The following SNX29 variants were observed in gnomAD, a reference collection of about 807,000 sequenced individuals.
SNX29 encodes sorting nexin-29.
In SNX29, 78 loss-of-function variants were observed where a neutral mutation model predicts 102.1. The ratio of observed to expected loss-of-function variants is 0.76; its 90% CI spans 0.64 to 0.92. The LOEUF (loss-of-function observed/expected upper bound fraction) is 0.92, where lower values mean the gene tolerates loss of function less well. Among genes scored for constraint, SNX29 ranks in the 40% least tolerant of loss-of-function variants. SNX29 has a pLI of 0.00. For synonymous variants in SNX29, 580 were observed against 414.5 expected (o/e 1.40, Z -4.85); for missense variants, 1,280 against 1,061.7 (o/e 1.21, Z -2.86).
At chr16:12,016,414 G>A (rs2056851057) in intron 3 of SNX29, among the ~76,000 whole-genome samples, 1 of 152,164 alleles carries the variant, frequency 6.6e-6, no homozygotes, top group Non-Finnish European at 1.5e-5. Flanking sequence ...TAGTTCATAA[G>A]TCTACCTTTT....
chr16:12,003,171 C>T, intron 3 of SNX29, 128 bp downstream of exon 3: 12 of 1,125,034 alleles, frequency 1.1e-5, no homozygotes, highest in Non-Finnish European at 1.6e-5. Context: ...CTGGGCTCTG[C>T]CTCTGCAGCC....
intron 14 of SNX29, among the ~76,000 whole-genome samples, chr16:12,241,664 G>A (rs767370589): frequency 2.6e-5 from 4 of 152,166 alleles, no homozygotes; most frequent in Non-Finnish European, 5.9e-5. Context: ...GTTTCACCAT[G>A]TTGGCCAGGC....
chr16:12,468,017 C>A (rs551448606), intron 18 of SNX29, among the ~76,000 whole-genome samples: 1 of 152,174 alleles, frequency 6.6e-6, no homozygotes, highest in South Asian at 2.1e-4. Flanking sequence ...CTGGTCACCT[C>A]CAGTATCGTC....
In SNX29 at chr16:12,447,165, C is replaced by CAAA. The variant is rs59942122; in HGVS notation, c.2038-30524_2038-30522dup. On this transcript the variant is annotated intron_variant, in intron 18 of 20. Coordinates refer to ENST00000566228, the MANE Select transcript of SNX29 (RefSeq NM_032167.5). The stretch of plus-strand genomic sequence containing the variant: ...CTGGCGACAGAGGGAGACTCTGTCT[C>CAAA]AAAAAAAAAAAAAAAAAAAAAAAAA... 1.5e-3 allele frequency among the ~76,000 whole-genome samples: 67 copies of CAAA among 43,910 alleles called. 2 individuals carry two copies. The highest frequency in any genetic ancestry group is 4.3e-3 in the African/African-American group (48 of 11,196). 28.8% of individuals were successfully genotyped at this position (43,910 alleles called of 152,430 possible).
At chr16:12,120,310 G>T (rs2053919169) in intron 11 of SNX29, among the ~76,000 whole-genome samples, 1 of 152,204 alleles carries the variant, frequency 6.6e-6, no homozygotes, top group Admixed American at 6.5e-5. Flanking sequence ...GCTGAGTATG[G>T]GCCGCAGGGG....
intron 17 of SNX29, among the ~76,000 whole-genome samples, chr16:12,400,807 G>A (rs1264380716): frequency 6.6e-6 from 1 of 151,526 alleles, no homozygotes; most frequent in Non-Finnish European, 1.5e-5. Context: ...CTTGACTTCA[G>A]TACCTCACTT....
chr16:12,430,109 A>G (rs917873721), intron 18 of SNX29, among the ~76,000 whole-genome samples: 1 of 152,262 alleles, frequency 6.6e-6, no homozygotes, highest in African/African-American at 2.4e-5. Flanking sequence ...TGAACTGTGC[A>G]TACAAGGGAT....
At position 12,568,602 on chromosome 16, in the gene SNX29, C is replaced by G. The variant is rs572049168; in HGVS notation, c.2415C>G (p.Asn805Lys). ...LSRGQPRETR[N>K]VEPQSGDL ...GGGGTCAGCCCCGGGAGACCCGCAA[C>G]GTGGAGCCCCAGAGCGGTGACCTCT... The change falls in exon 21 of 21, where the codon AAC (asparagine) becomes AAG (lysine). Residue 805 changes from asparagine (N) to lysine (K), a missense_variant. Asn to Lys is a moderately conservative substitution (Grantham distance 94). Coordinates refer to ENST00000566228, the MANE Select transcript of SNX29 (RefSeq NM_032167.5). The G allele has an allele frequency of 2.5e-6, 4 of 1,605,446 alleles. No homozygotes were observed. The East Asian group carries it at 6.7e-5, about 27-fold the overall frequency.
At chr16:12,532,379 G>C (rs753447111) in intron 20 of SNX29, among the ~76,000 whole-genome samples, 4 of 152,160 alleles carry the variant, frequency 2.6e-5, no homozygotes, top group African/African-American at 9.7e-5. Context: ...TCCCAGCAGC[G>C]TTCACTTGTG....
intron 18 of SNX29, among the ~76,000 whole-genome samples, chr16:12,463,841 T>TGTGTGC (rs1442722233): frequency 6.6e-6 from 1 of 150,562 alleles, no homozygotes; most frequent in African/African-American, 2.4e-5. Flanking sequence ...TGTGTGTGTG[T>TGTGTGC]GTGTGTGTGT....
rs763643386 is a variant in SNX29, at chr16:12,568,852, T to C, written c.*223T>C. ...CAAGGCAGCACCTCGCTGGAGAGACTGGGACACACAGTCCTTCTGCTTCTG... is the reference window on the plus strand; with the variant it reads ...CAAGGCAGCACCTCGCTGGAGAGACCGGGACACACAGTCCTTCTGCTTCTG... On this transcript the variant is annotated 3_prime_UTR_variant, in exon 21 of 21. Coordinates refer to ENST00000566228, the MANE Select transcript of SNX29 (RefSeq NM_032167.5). 3.0e-6 allele frequency: 2 copies of C among 657,338 alleles called. No individual in the cohort carries two copies. Among genetic ancestry groups the C allele is most frequent in the East Asian group, 5.9e-5 (2 of 33,800 alleles). 40.7% of individuals were successfully genotyped at this position (657,338 alleles called of 1,614,324 possible). A position where few individuals can be genotyped will look rare whatever the true frequency, so the allele number is the denominator to read the frequency against.
chr16:12,440,304 A>T (rs1459409896), intron 18 of SNX29, among the ~76,000 whole-genome samples: 2 of 152,196 alleles, frequency 1.3e-5, no homozygotes, highest in East Asian at 3.8e-4. Flanking sequence ...TCACAAGATT[A>T]CGCAACCATC....
chr16:12,063,056 G>T (rs1228172267), intron 9 of SNX29, among the ~76,000 whole-genome samples: 1 of 152,210 alleles, frequency 6.6e-6, no homozygotes, highest in African/African-American at 2.4e-5. Context: ...AAGGAGCCCT[G>T]CACTGCAGTG....
chr16:12,365,782 C>T (rs1214764304), intron 16 of SNX29, among the ~76,000 whole-genome samples: 1 of 151,202 alleles, frequency 6.6e-6, no homozygotes, highest in East Asian at 2.0e-4. Context: ...GTGGCTCACG[C>T]CTGTAATCCC....
intron 13 of SNX29, among the ~76,000 whole-genome samples, chr16:12,183,954 G>C (rs997663463): frequency 6.6e-6 from 1 of 152,184 alleles, no homozygotes; most frequent in Admixed American, 6.5e-5. Context: ...GTCTAAAAGG[G>C]GGGTATGCAC....
chr16:12,243,942 G>A (rs2078186489), intron 14 of SNX29, among the ~76,000 whole-genome samples: 1 of 152,224 alleles, frequency 6.6e-6, no homozygotes, highest in African/African-American at 2.4e-5. Context: ...GGCTCTGGTA[G>A]AGGTTAGGTT....
intron 11 of SNX29, among the ~76,000 whole-genome samples, chr16:12,080,840 C>T (rs1251983371): frequency 6.6e-6 from 1 of 151,832 alleles, no homozygotes; most frequent in African/African-American, 2.4e-5. Flanking sequence ...TACAGGCCCA[C>T]GCCCGGCTAA....
At chr16:12,044,912 A>G (rs1156944466) in intron 5 of SNX29, among the ~76,000 whole-genome samples, 2 of 152,030 alleles carry the variant, frequency 1.3e-5, no homozygotes, top group African/African-American at 4.8e-5. Flanking sequence ...ATTTCTGTGA[A>G]GCTCCTTCCA....
chr16:12,470,575 T>C (rs1043599860), intron 18 of SNX29, among the ~76,000 whole-genome samples: 2 of 152,140 alleles, frequency 1.3e-5, no homozygotes, highest in South Asian at 2.1e-4. Context: ...GGGTTTTGTT[T>C]TAGCACTCAG....
Sources: allele counts gnomAD v4.1 joint callset (sites outside exome capture counted in the v4.1 genomes callset), GRCh38; gene constraint gnomAD v4.1.1; transcripts MANE v1.5; gene names NCBI Gene and HGNC (gene_info 2026-07-23, HGNC 2026-07-21).